The following C1orf21 variants were observed in gnomAD, a reference collection of about 807,000 sequenced individuals.
The protein encoded by C1orf21 is uncharacterized protein C1orf21.
C1orf21 carries 3 observed loss-of-function variants against 18.7 expected under a neutral mutation model. The ratio of observed to expected loss-of-function variants is 0.16; its 90% CI spans 0.07 to 0.42. C1orf21 has a LOEUF of 0.42. Ranked by LOEUF, C1orf21 falls within the 10% of genes least tolerant of loss-of-function variation. The pLI is 0.99. For missense variants in C1orf21, 104 were observed against 143.6 expected, an observed-to-expected ratio of 0.72 and a Z score of 1.41; for synonymous variants, 41 against 46.4, an observed-to-expected ratio of 0.88 and a Z score of 0.47.
At chr1:184,550,926 A>G (rs928452245) in intron 3 of C1orf21, among the ~76,000 whole-genome samples, 4 of 152,232 alleles carry the variant, frequency 2.6e-5, no homozygotes, top group African/African-American at 9.6e-5. Context: ...CAGTGACATG[A>G]TGAAATAAAA....
chr1:184,436,611 T>C (rs561159242), intron 1 of C1orf21, among the ~76,000 whole-genome samples: 32 of 152,282 alleles, frequency 2.1e-4, no homozygotes, highest in African/African-American at 7.5e-4. Flanking sequence ...TATTCCTCAC[T>C]GAATAGACTG....
intron 1 of C1orf21, among the ~76,000 whole-genome samples, chr1:184,439,489 T>G (rs1446407414): frequency 6.6e-6 from 1 of 151,032 alleles, no homozygotes; most frequent in African/African-American, 2.4e-5. Context: ...TATAGGAGCC[T>G]TTTTAAATCT....
rs1227229337 is a variant in C1orf21, at chr1:184,505,338, TATAC to T, written c.95-2248_95-2245del. Reference sequence around the variant, plus strand: ...ATATATATATATATATATATATATATATACACACATGCCATATATATATAGACAT... The same window carrying T: ...ATATATATATATATATATATATATATACACATGCCATATATATATAGACAT... On this transcript the variant is annotated intron_variant, in intron 2 of 5. Transcript: ENST00000235307. Among the ~76,000 whole-genome samples, 238 of 133,610 alleles carry T rather than the reference TATAC, an allele frequency of 1.8e-3. 3 individuals are homozygous for T. The highest frequency in any genetic ancestry group is 7.6e-3 in the Middle Eastern group (2 of 264). The allele number at this position is 133,610 out of a possible 152,430, so 87.7% of individuals were successfully genotyped here. A position where few individuals can be genotyped will look rare whatever the true frequency, so the allele number is the denominator to read the frequency against.
chr1:184,598,413 T>C lies in C1orf21; in HGVS notation c.279T>C (p.Ser93=). 1 of 1,613,812 alleles carries C rather than the reference T, an allele frequency of 6.2e-7. No individual in the cohort carries two copies. The highest frequency in any genetic ancestry group is 1.1e-5 in the South Asian group (1 of 90,968). The change falls in exon 5 of 6, where the codon TCT becomes TCC. Residue 93 remains serine (S), a synonymous_variant. Coordinates refer to ENST00000235307, the MANE Select transcript of C1orf21 (RefSeq NM_030806.4). ...CTTTGTTTTTCAGCATGCACATCTCTGAAAGCCAACAAGAATTCTTCAGAA... is the reference window on the plus strand; with the variant it reads ...CTTTGTTTTTCAGCATGCACATCTCCGAAAGCCAACAAGAATTCTTCAGAA... The part of the protein sequence containing the change: ...VHQPRANMHI[S]ESQQEFFRML...
chr1:184,433,857 A>G (rs1364682814), intron 1 of C1orf21, among the ~76,000 whole-genome samples: 1 of 152,058 alleles, frequency 6.6e-6, no homozygotes, highest in Non-Finnish European at 1.5e-5. Flanking sequence ...ATGCTTGCCT[A>G]TTTCCTACTT....
At chr1:184,592,485 T>C (rs906308738) in intron 4 of C1orf21, among the ~76,000 whole-genome samples, 3 of 152,204 alleles carry the variant, frequency 2.0e-5, no homozygotes, top group African/African-American at 7.2e-5. Flanking sequence ...TGATAAAATA[T>C]ATTTTGTATG....
intron 1 of C1orf21, among the ~76,000 whole-genome samples, chr1:184,388,078 T>A (rs1319277919): frequency 6.6e-6 from 1 of 152,234 alleles, no homozygotes; most frequent in East Asian, 1.9e-4. Context: ...GCCTTTGGTC[T>A]GCTGGTTAAT....
chr1:184,536,261 G>T (rs547563447), intron 3 of C1orf21, among the ~76,000 whole-genome samples: 1 of 152,130 alleles, frequency 6.6e-6, no homozygotes, highest in African/African-American at 2.4e-5. Flanking sequence ...CAATGTTGGC[G>T]TACACACTCT....
chr1:184,524,216 T>G (rs1658347012), intron 3 of C1orf21, among the ~76,000 whole-genome samples: 1 of 152,180 alleles, frequency 6.6e-6, no homozygotes, highest in Non-Finnish European at 1.5e-5. Flanking sequence ...CAGGTACTAA[T>G]AAATATTTGC....
At chr1:184,444,752 A>G (rs1170993895) in intron 1 of C1orf21, among the ~76,000 whole-genome samples, 5 of 152,090 alleles carry the variant, frequency 3.3e-5, no homozygotes, top group African/African-American at 4.8e-5. Context: ...AAAAAGTGCT[A>G]TTTTCAAGCA....
intron 1 of C1orf21, among the ~76,000 whole-genome samples, chr1:184,475,453 C>T (rs537382071): frequency 1.3e-5 from 2 of 152,244 alleles, no homozygotes; most frequent in East Asian, 3.9e-4. Flanking sequence ...ATGCTACCAT[C>T]CTTTCAGCCT....
intron 3 of C1orf21, among the ~76,000 whole-genome samples, chr1:184,580,059 T>G (rs1659255358): frequency 6.6e-6 from 1 of 152,076 alleles, no homozygotes. Flanking sequence ...CTCAAAACAC[T>G]CTCCTAATAA....
intron 3 of C1orf21, among the ~76,000 whole-genome samples, chr1:184,515,760 TTTTA>T (rs1658215281): frequency 6.6e-6 from 1 of 152,218 alleles, no homozygotes; most frequent in African/African-American, 2.4e-5. Flanking sequence ...TGATGGATTT[TTTTA>T]TTTGTTTGTT....
intron 3 of C1orf21, among the ~76,000 whole-genome samples, chr1:184,563,572 T>C (rs1011932101): frequency 2.0e-5 from 3 of 152,240 alleles, no homozygotes; most frequent in African/African-American, 7.2e-5. Flanking sequence ...ATTTTTTACA[T>C]GTCTAGTTAC....
chr1:184,616,157 T>G (rs1659821448), intron 5 of C1orf21, among the ~76,000 whole-genome samples: 1 of 152,228 alleles, frequency 6.6e-6, no homozygotes. Context: ...GCCATATGGT[T>G]TATGGCCATA....
intron 1 of C1orf21, among the ~76,000 whole-genome samples, chr1:184,393,222 C>A (rs567743019): frequency 6.6e-6 from 1 of 152,292 alleles, no homozygotes; most frequent in East Asian, 1.9e-4. Context: ...TTAACCGTAT[C>A]TCCAGATCCA....
intron 2 of C1orf21, among the ~76,000 whole-genome samples, chr1:184,499,647 A>G (rs1456207432): frequency 1.3e-5 from 2 of 151,934 alleles, no homozygotes; most frequent in African/African-American, 4.8e-5. Flanking sequence ...TCCTGAAAAA[A>G]TTACTTCTTG....
rs184581016 is a variant in C1orf21 at position 184,626,087 on chromosome 1, A to G, written c.*6531A>G. 44 of 152,238 alleles carry G rather than the reference A, an allele frequency of 2.9e-4. No homozygotes were observed. The highest frequency in any genetic ancestry group is 1.9e-3 in the Admixed American group (29 of 15,292). 9.4% of individuals were successfully genotyped at this position (152,238 alleles called of 1,614,324 possible). A position where few individuals can be genotyped will look rare whatever the true frequency, so the allele number is the denominator to read the frequency against. On this transcript the variant is annotated 3_prime_UTR_variant, in exon 6 of 6. Transcript: ENST00000235307. ...TTTTAGCATTGCCTTTCCAGTCTTG[A>G]TGATTCATTCATTGAACTCATTTAT...
chr1:184,390,901 A>G (rs1655962110), intron 1 of C1orf21, among the ~76,000 whole-genome samples: 1 of 152,218 alleles, frequency 6.6e-6, no homozygotes, highest in Non-Finnish European at 1.5e-5. Flanking sequence ...AGTATAAAGT[A>G]CTGCTTAGAA....
Sources: allele counts gnomAD v4.1 joint callset (sites outside exome capture counted in the v4.1 genomes callset), GRCh38; gene constraint gnomAD v4.1.1; transcripts MANE v1.5; gene names NCBI Gene and HGNC (gene_info 2026-07-23, HGNC 2026-07-21).